Variants in PSD4 observed in about 807,000 individuals in gnomAD.
PSD4 encodes the protein PH and SEC7 domain-containing protein 4.
A neutral mutation model predicts 112.5 loss-of-function variants in PSD4; 59 were observed. The observed-to-expected ratio is 0.52, with a 90% CI of 0.43 to 0.65. The LOEUF (loss-of-function observed/expected upper bound fraction) is 0.65, where lower values mean the gene tolerates loss of function less well. Among genes scored for constraint, PSD4 ranks in the 30% least tolerant of loss-of-function variants. The pLI, the probability that PSD4 is intolerant of heterozygous loss-of-function variation, is 0.00. For missense variants in PSD4, 1,267 were observed against 1,352.6 expected (o/e 0.94, Z 0.99); for synonymous variants, 533 against 540.0 (o/e 0.99, Z 0.18).
Position 113,195,750 on chromosome 2 carries a change from C to T in PSD4, c.2205C>T (p.Ser735=), listed in dbSNP as rs201248259. ...LLKALYWSIR[S]EKLEWAVDEE... is the part of the protein sequence containing the mutation. Reference sequence around the variant, plus strand: ...AGGCCCTCTACTGGTCTATCCGCAGCGAGAAGCTCGAGTGGGCCGTGTGAG... The same window carrying T: ...AGGCCCTCTACTGGTCTATCCGCAGTGAGAAGCTCGAGTGGGCCGTGTGAG... The change falls in exon 11 of 17, where the codon AGC becomes AGT. Residue 735 remains serine (S), a synonymous_variant. Transcript: ENST00000245796. The T allele has an allele frequency of 2.5e-5, 41 of 1,614,190 alleles. No individual in the cohort carries two copies. In the East Asian group the frequency reaches 4.7e-4, roughly 18 times the overall value.
chr2:113,196,397 G>T (rs905930010), intron 12 of PSD4, 90 bp downstream of exon 12: 1 of 1,473,842 alleles, frequency 6.8e-7, no homozygotes, highest in Non-Finnish European at 9.1e-7. Flanking sequence ...TGTGCAGAGA[G>T]ACAGCCCGCG....
Position 113,193,658 on chromosome 2 carries a change from G to T in PSD4, c.2091+8G>T. On this transcript the variant is annotated splice_region_variant and intron_variant, in intron 9 of 16. Coordinates refer to ENST00000245796, the MANE Select transcript of PSD4 (RefSeq NM_012455.3). ...ACGGACCTGCATGGACAGGTAAGAC[G>T]GTGGAGAGAGTCCCTGTGGGAACTG... 1 of 1,611,712 alleles carries T rather than the reference G, an allele frequency of 6.2e-7. No individual in the cohort carries two copies. Among genetic ancestry groups the T allele is most frequent in the African/African-American group, 1.3e-5 (1 of 74,972 alleles).
rs1688780888 is a variant in PSD4 at position 113,201,600 on chromosome 2, C to A, written c.*185C>A. 3.6e-6 allele frequency: 3 copies of A among 826,728 alleles called. No individual in the cohort carries two copies. The South Asian group carries it at 5.4e-5, about 15-fold the overall frequency. 51.2% of individuals were successfully genotyped at this position (826,728 alleles called of 1,614,324 possible). ...GCTCCCTGAAGCTTTCCTAATATTG[C>A]TGTGCTCCCCACCACCCCCATGGCA... On this transcript the variant is annotated 3_prime_UTR_variant, in exon 17 of 17. Transcript: ENST00000245796.
chr2:113,196,374 A>T, intron 12 of PSD4, 67 bp downstream of exon 12: 1 of 1,526,822 alleles, frequency 6.5e-7, no homozygotes, highest in Non-Finnish European at 8.9e-7. Context: ...ACCTGTGCCG[A>T]TGCATGCACA....
rs753198464 is a variant in PSD4, at chr2:113,183,426, A to G, written c.970A>G (p.Ile324Val). 23 of 1,577,860 alleles carry G rather than the reference A, an allele frequency of 1.5e-5. No homozygotes were observed. Among genetic ancestry groups the G allele is most frequent in the Non-Finnish European group, 2.0e-5 (23 of 1,163,708 alleles). ...GHCTPPFPVP[I>V]YKPHSICWAS... is the part of the protein sequence containing the mutation. ...TTGTACCCCTCCATTCCCTGTGCCC[A>G]TCTATAAACCACACTCCATCTGCTG... Residue 324 changes from isoleucine (I) to valine (V), a missense_variant, in exon 2 of 17, where the codon ATC becomes GTC. Transcript: ENST00000245796.
chr2:113,185,987 A>G lies in PSD4; in HGVS notation c.1360A>G (p.Arg454Gly). 1.2e-6 allele frequency: 2 copies of G among 1,614,188 alleles called. No individual in the cohort carries two copies. Among genetic ancestry groups the G allele is most frequent in the South Asian group, 1.1e-5 (1 of 91,092 alleles). The change falls in exon 5 of 17, where the codon AGA becomes GGA. Residue 454 changes from arginine to glycine, a missense_variant. By Grantham distance (125) the Arg-to-Gly change is moderately radical. Around this residue, in one of 2 missense-constraint regions of PSD4, gnomAD observed 723 missense variants for 704.0 expected, o/e 1.03. Transcript: ENST00000245796. ...PEPSSPESES[R>G]GPGPRPSPAS... The stretch of plus-strand genomic sequence containing the variant: ...GCCTAGCAGCCCAGAATCTGAGAGC[A>G]GAGGCCCTGGTCCCAGGCCCAGCCC...
At chr2:113,197,279 T>G in intron 12 of PSD4, 3 of 457,298 alleles carry the variant, frequency 6.6e-6, no homozygotes, top group Non-Finnish European at 4.1e-6. Flanking sequence ...TGGGTGTGTG[T>G]TTGGAGTTGG....
At chr2:113,200,506 C>T (rs1688745257) in intron 16 of PSD4, among the ~76,000 whole-genome samples, 1 of 152,208 alleles carries the variant, frequency 6.6e-6, no homozygotes. Context: ...CTCCCCACTT[C>T]TCAGAGGCCT....
rs941404251 is a variant in PSD4 at position 113,182,394 on chromosome 2, C to T, written c.-63C>T. The T allele has an allele frequency of 6.1e-5, 88 of 1,436,502 alleles. No individual in the cohort carries two copies. The highest frequency in any genetic ancestry group is 1.8e-4 in the Middle Eastern group (1 of 5,512). The allele number at this position is 1,436,502 out of a possible 1,614,324, so 89.0% of individuals were successfully genotyped here. ...TCCAGCGGCCAGTGCTCCCCCTAGT[C>T]CACACAGTGAGACCGTGAAAGCAGA... is the stretch of plus-strand genomic sequence containing the variant. On this transcript the variant is annotated 5_prime_UTR_variant, in exon 2 of 17. Coordinates refer to ENST00000245796, the MANE Select transcript of PSD4 (RefSeq NM_012455.3).
At chr2:113,174,601 G>A (rs957670071) in intron 1 of PSD4, among the ~76,000 whole-genome samples, 1 of 152,068 alleles carries the variant, frequency 6.6e-6, no homozygotes, top group Non-Finnish European at 1.5e-5. Context: ...GGCCATCAGG[G>A]GGCTCCCAGC....
Position 113,199,231 on chromosome 2 carries a change from G to A in PSD4, c.2913+5G>A. ...AAGGAGTACCTGGAGTACGAGGTGA[G>A]CGGCCGAGCCCACCTCCCCGCCGCT... On this transcript the variant is annotated splice_donor_5th_base_variant and intron_variant, in intron 16 of 16. Coordinates refer to ENST00000245796, the MANE Select transcript of PSD4 (RefSeq NM_012455.3). The A allele has an allele frequency of 6.7e-7, 1 of 1,485,096 alleles. No individual in the cohort carries two copies. Among genetic ancestry groups the A allele is most frequent in the Non-Finnish European group, 8.9e-7 (1 of 1,123,170 alleles). The allele number at this position is 1,485,096 out of a possible 1,614,324, so 92.0% of individuals were successfully genotyped here.
At position 113,188,142 on chromosome 2, in the gene PSD4, A is replaced by G. The variant is rs190674032; in HGVS notation, c.1628+1887A>G. Among the ~76,000 whole-genome samples the G allele has an allele frequency of 4.2e-4, 64 of 152,330 alleles. 1 individual carries two copies. The highest frequency in any genetic ancestry group is 1.5e-3 in the African/African-American group (61 of 41,574). ...GCCCTAAAATATGCTTTTAAAAATG[A>G]CCTAGTCAATTAGTGTTGTTACTAA... On this transcript the variant is annotated intron_variant, in intron 5 of 16. Coordinates refer to ENST00000245796, the MANE Select transcript of PSD4 (RefSeq NM_012455.3).
chr2:113,176,325 C>G (rs928909114), intron 1 of PSD4, among the ~76,000 whole-genome samples: 1 of 152,242 alleles, frequency 6.6e-6, no homozygotes, highest in Admixed American at 6.5e-5. Flanking sequence ...GGGAGGGACT[C>G]TGCCTTCTAG....
rs1385674233 is a variant in PSD4, at chr2:113,201,503, A to G, written c.*88A>G. ...GGAGGAGACTTATTTCAATGAGTCC[A>G]CCATGACGGATGAGGCACCTCCTTT... On this transcript the variant is annotated 3_prime_UTR_variant, in exon 17 of 17. Transcript: ENST00000245796. 6.0e-6 allele frequency: 9 copies of G among 1,508,846 alleles called. 1 individual carries two copies. The Middle Eastern group carries it at 1.0e-3, about 175-fold the overall frequency. The allele number at this position is 1,508,846 out of a possible 1,614,324, so 93.5% of individuals were successfully genotyped here. A position where few individuals can be genotyped will look rare whatever the true frequency, so the allele number is the denominator to read the frequency against.
chr2:113,186,596 G>T (rs941952109), intron 5 of PSD4, among the ~76,000 whole-genome samples: 1 of 152,154 alleles, frequency 6.6e-6, no homozygotes. Flanking sequence ...CAGAAAAACG[G>T]GAGCCATGCT....
chr2:113,193,253 T>C lies in PSD4; in HGVS notation c.1920-5T>C. 1 of 1,579,922 alleles carries C rather than the reference T, an allele frequency of 6.3e-7. No homozygotes were observed. The highest frequency in any genetic ancestry group is 8.6e-7 in the Non-Finnish European group (1 of 1,164,466). On this transcript the variant is annotated splice_region_variant and splice_polypyrimidine_tract_variant and intron_variant, in intron 7 of 16. Coordinates refer to ENST00000245796, the MANE Select transcript of PSD4 (RefSeq NM_012455.3). ...TCTCTCCTTGACCCTGGCCCTCCTT[T>C]GCAGGAGCTTCCTCCAGGCCTTGGT...
intron 1 of PSD4, among the ~76,000 whole-genome samples, chr2:113,175,837 T>G (rs1460069612): frequency 2.0e-5 from 3 of 152,158 alleles, no homozygotes; most frequent in Admixed American, 1.3e-4. Flanking sequence ...ACAACAAAAT[T>G]AAACTGAGCA....
chr2:113,197,071 C>A, intron 12 of PSD4: 1 of 214,214 alleles, frequency 4.7e-6, no homozygotes, highest in Non-Finnish European at 9.5e-6. Flanking sequence ...CACACAAGAC[C>A]AGGGTGGAGA....
intron 14 of PSD4, 175 bp from the exon 15 acceptor site, chr2:113,198,565 T>G: frequency 1.5e-6 from 1 of 687,628 alleles, no homozygotes; most frequent in Admixed American, 3.8e-5. Flanking sequence ...TCCTCTTTAT[T>G]GATAAGAAAT....
Sources: gnomAD v4.1 joint callset for allele counts (sites outside exome capture counted in the v4.1 genomes callset) on GRCh38, gnomAD v4.1.1 for gene constraint, gnomAD v4.1.1 regional missense constraint, MANE v1.5 for transcripts, NCBI Gene and HGNC (gene_info 2026-07-23, HGNC 2026-07-21) for gene names.